Variants in TOP1 observed in about 807,000 individuals in gnomAD.
TOP1 encodes DNA topoisomerase I.
A neutral mutation model predicts 111.1 loss-of-function variants in TOP1; 10 were observed. That is an observed-to-expected ratio of 0.09 (90% CI 0.06 to 0.15). TOP1 has a LOEUF of 0.15. TOP1 is among the 10% of genes least tolerant of loss of function. The pLI is 1.00. For missense variants in TOP1, 474 were observed against 926.7 expected, an observed-to-expected ratio of 0.51 and a Z score of 6.34; for synonymous variants, 271 against 302.9, an observed-to-expected ratio of 0.89 and a Z score of 1.10.
At chr20:41,036,304 G>A (rs1301656866) in intron 2 of TOP1, among the ~76,000 whole-genome samples, 1 of 152,118 alleles carries the variant, frequency 6.6e-6, no homozygotes, top group Admixed American at 6.5e-5. Context: ...TGGAATGTTA[G>A]GTCTAGGGGA....
chr20:41,083,223 A>G lies in TOP1; in HGVS notation c.508-1239A>G, dbSNP rs376624104. Among the ~76,000 whole-genome samples the G allele has an allele frequency of 1.3e-5, 2 of 152,166 alleles. No homozygotes were observed. Among genetic ancestry groups the G allele is most frequent in the African/African-American group, 4.8e-5 (2 of 41,446 alleles). On this transcript the variant is annotated intron_variant, in intron 7 of 20. Coordinates refer to ENST00000361337, the MANE Select transcript of TOP1 (RefSeq NM_003286.4). This position sits in a 1 kb window ranked among gnomAD's most constrained non-coding sequence, Gnocchi z 7.2. ...GAAGCTGTTTAGAGTATCTTCACTG[A>G]AAAACATTTCCCTTTCCTGTGGTGT...
chr20:41,105,803 CTTG>C (rs992620674), intron 13 of TOP1, among the ~76,000 whole-genome samples: 1 of 152,172 alleles, frequency 6.6e-6, no homozygotes, highest in African/African-American at 2.4e-5. Context: ...CCTCTATTCT[CTTG>C]TTAAGAGGCA....
chr20:41,049,163 A>G (rs2033370889), intron 2 of TOP1, among the ~76,000 whole-genome samples: 1 of 152,218 alleles, frequency 6.6e-6, no homozygotes, highest in Non-Finnish European at 1.5e-5. Flanking sequence ...CAAAGCCTTT[A>G]AGGATAATAG....
intron 3 of TOP1, among the ~76,000 whole-genome samples, chr20:41,065,726 G>A (rs534177291): frequency 8.5e-5 from 13 of 152,050 alleles, no homozygotes; most frequent in South Asian, 2.1e-4. Flanking sequence ...GTATTGTAGC[G>A]TATCAGAAAT....
At chr20:41,085,406 G>A (rs1018120960) in intron 8 of TOP1, among the ~76,000 whole-genome samples, 2 of 152,172 alleles carry the variant, frequency 1.3e-5, no homozygotes, top group African/African-American at 4.8e-5. Flanking sequence ...TCTTTATGAA[G>A]GACAGTTTAG....
intron 2 of TOP1, among the ~76,000 whole-genome samples, chr20:41,041,401 G>A (rs1015836088): frequency 5.3e-5 from 7 of 130,952 alleles, no homozygotes; most frequent in African/African-American, 2.1e-4. Flanking sequence ...AGGGAGCCAT[G>A]TTTGCCCTAC....
chr20:41,040,803 C>CAAAA (rs58729802), intron 2 of TOP1, among the ~76,000 whole-genome samples: 7 of 80,500 alleles, frequency 8.7e-5, no homozygotes, highest in African/African-American at 2.2e-4. Flanking sequence ...GGCATCGTCT[C>CAAAA]AAAAAAAAAA....
chr20:41,051,482 A>C (rs2033404898), intron 2 of TOP1, among the ~76,000 whole-genome samples: 1 of 152,188 alleles, frequency 6.6e-6, no homozygotes. Context: ...TTCTCCCTTA[A>C]GAAAGAGTAA....
At position 41,080,412 on chromosome 20, in the gene TOP1, G is replaced by A. The variant is rs932954212; in HGVS notation, c.431+232G>A. Among the ~76,000 whole-genome samples, 10 of 152,012 alleles carry A rather than the reference G, an allele frequency of 6.6e-5. No homozygotes were observed. The highest frequency in any genetic ancestry group is 1.5e-5 in the Non-Finnish European group (1 of 67,976). On this transcript the variant is annotated intron_variant, in intron 6 of 20. Coordinates refer to ENST00000361337, the MANE Select transcript of TOP1 (RefSeq NM_003286.4). This position sits in a 1 kb window ranked among gnomAD's most constrained non-coding sequence, Gnocchi z 5.0. ...TATATAAATTTTTATTACTGAAAAG[G>A]CAATAGATATTTATTGTAGAAATTT... is the stretch of plus-strand genomic sequence containing the variant.
At chr20:41,063,684 G>T (rs2033573537) in intron 3 of TOP1, among the ~76,000 whole-genome samples, 2 of 152,162 alleles carry the variant, frequency 1.3e-5, no homozygotes, top group Non-Finnish European at 2.9e-5. Flanking sequence ...TTTCTCTGAT[G>T]ATTAGGGACG....
At position 41,121,827 on chromosome 20, in the gene TOP1, A is replaced by C. The variant is rs1184095600; in HGVS notation, c.2045+37A>C. 6.2e-7 allele frequency: 1 copy of C among 1,601,042 alleles called. No individual in the cohort carries two copies. Among genetic ancestry groups the C allele is most frequent in the East Asian group, 2.2e-5 (1 of 44,824 alleles). On this transcript the variant is annotated intron_variant, in intron 19 of 20. Transcript: ENST00000361337. The surrounding 1 kb of genome is among the most constrained non-coding windows in gnomAD (Gnocchi z 4.2). ...GTATTGTGAAAGTTGGGGCTGGTAG[A>C]GAAAAGTGTGCAGCATCTGTCAGGG... is the stretch of plus-strand genomic sequence containing the variant.
At position 41,061,293 on chromosome 20, in the gene TOP1, A is replaced by G; in HGVS notation, c.59-101A>G. ...CATGTGCTATTATGCCTACCATGCC[A>G]TTTGAATCCTGTCATTGTACTTCTT... On this transcript the variant is annotated intron_variant, in intron 2 of 20. Transcript: ENST00000361337. This position sits in a 1 kb window ranked among gnomAD's most constrained non-coding sequence, Gnocchi z 4.6. The G allele has an allele frequency of 1.7e-6, 2 of 1,162,570 alleles. No individual in the cohort carries two copies. The highest frequency in any genetic ancestry group is 1.2e-6 in the Non-Finnish European group (1 of 808,824). 72.0% of individuals were successfully genotyped at this position (1,162,570 alleles called of 1,614,324 possible).
At chr20:41,048,819 T>C (rs1349273125) in intron 2 of TOP1, among the ~76,000 whole-genome samples, 1 of 152,166 alleles carries the variant, frequency 6.6e-6, no homozygotes, top group Non-Finnish European at 1.5e-5. Context: ...AATTAATTGG[T>C]CCCTGGAAAT....
intron 3 of TOP1, among the ~76,000 whole-genome samples, chr20:41,068,529 T>G (rs1429836812): frequency 2.0e-5 from 3 of 152,132 alleles, no homozygotes; most frequent in Admixed American, 6.5e-5. Context: ...GCCTCTTGAA[T>G]AGCTGGGACA....
At chr20:41,072,539 G>T in intron 3 of TOP1, 6 of 985,404 alleles carry the variant, frequency 6.1e-6, no homozygotes, top group Non-Finnish European at 7.2e-6. Flanking sequence ...CACAGCCCTG[G>T]ACATGCTTCT....
At chr20:41,048,603 AC>A (rs1429057981) in intron 2 of TOP1, among the ~76,000 whole-genome samples, 1 of 152,198 alleles carries the variant, frequency 6.6e-6, no homozygotes, top group East Asian at 1.9e-4. Context: ...GTGTCTTCTT[AC>A]TATTAGAAAG....
Position 41,120,471 on chromosome 20 carries a change from G to A in TOP1, c.1951-1225G>A, listed in dbSNP as rs139681993. On this transcript the variant is annotated intron_variant, in intron 18 of 20. Coordinates refer to ENST00000361337, the MANE Select transcript of TOP1 (RefSeq NM_003286.4). Reference sequence around the variant, plus strand: ...CTCACATAGATGACCATAGGTATGGGGTTCTCCTGCCCTCTGAGTAGCGTG... The same window carrying A: ...CTCACATAGATGACCATAGGTATGGAGTTCTCCTGCCCTCTGAGTAGCGTG... Among the ~76,000 whole-genome samples the A allele has an allele frequency of 3.1e-3, 478 of 152,308 alleles. 3 individuals are homozygous for A. The highest frequency in any genetic ancestry group is 0.011 in the African/African-American group (456 of 41,568).
chr20:41,065,368 T>G (rs1011374701), intron 3 of TOP1, among the ~76,000 whole-genome samples: 1 of 152,254 alleles, frequency 6.6e-6, no homozygotes, highest in African/African-American at 2.4e-5. Context: ...GGATAGTTAT[T>G]AAGTCACTTT....
intron 2 of TOP1, among the ~76,000 whole-genome samples, chr20:41,040,572 C>T (rs757924737): frequency 6.6e-6 from 1 of 151,946 alleles, no homozygotes; most frequent in Non-Finnish European, 1.5e-5. Context: ...GGCCAGGCAC[C>T]CCACACTGAG....
Sources: allele counts gnomAD v4.1 joint callset (sites outside exome capture counted in the v4.1 genomes callset), GRCh38; gene constraint gnomAD v4.1.1; non-coding constraint Gnocchi (gnomAD v3.1); transcripts MANE v1.5; gene names NCBI Gene and HGNC (gene_info 2026-07-23, HGNC 2026-07-21).